The following ARB2A variants were observed in gnomAD, a reference collection of about 807,000 sequenced individuals.
ARB2A encodes ARB2 cotranscriptional regulator A, also known as cotranscriptional regulator ARB2A.
chr5:93,885,976 A>C, the ARB2A span, among the ~76,000 whole-genome samples: 1 of 151,780 alleles, frequency 6.6e-6, no homozygotes, highest in Non-Finnish European at 1.5e-5. Flanking sequence ...GGTGATGACA[A>C]ACACAAAGAA....
chr5:93,776,343 G>T, the ARB2A span: 1 of 804,712 alleles, frequency 1.2e-6, no homozygotes. Flanking sequence ...CCACTAGAGT[G>T]TATTCAATTT....
At chr5:94,098,604 A>G in the ARB2A span, among the ~76,000 whole-genome samples, 1 of 152,176 alleles carries the variant, frequency 6.6e-6, no homozygotes, top group Non-Finnish European at 1.5e-5. Flanking sequence ...TCAACCCCAA[A>G]GCTAGAAGAC....
At chr5:93,856,358 A>G in the ARB2A span, among the ~76,000 whole-genome samples, 2 of 152,164 alleles carry the variant, frequency 1.3e-5, no homozygotes, top group Non-Finnish European at 2.9e-5. Context: ...GTTCTCCTGG[A>G]TAATATCCTG....
chr5:93,965,692 C>T, the ARB2A span, among the ~76,000 whole-genome samples: 12 of 152,002 alleles, frequency 7.9e-5, no homozygotes, highest in South Asian at 1.9e-3. Flanking sequence ...ATGCAAAATA[C>T]CTCAGAGAAT....
the ARB2A span, among the ~76,000 whole-genome samples, chr5:93,816,922 T>C: frequency 5.9e-5 from 9 of 152,186 alleles, no homozygotes; most frequent in African/African-American, 2.2e-4. Context: ...GCCACCTTTA[T>C]TCAACCTTGT....
At chr5:93,688,265 C>T in the ARB2A span, among the ~76,000 whole-genome samples, 2 of 152,220 alleles carry the variant, frequency 1.3e-5, no homozygotes, top group Non-Finnish European at 2.9e-5. Flanking sequence ...TAAGCCACCG[C>T]GCCTGGCCAT....
At chr5:93,863,271 T>C in the ARB2A span, 1 of 151,960 alleles carries the variant, frequency 6.6e-6, no homozygotes, top group Non-Finnish European at 1.5e-5. Flanking sequence ...GTCATTTCAG[T>C]GCCTTTTTTT....
the ARB2A span, among the ~76,000 whole-genome samples, chr5:94,092,179 AAAAAAAAAT>A: frequency 6.6e-6 from 1 of 151,822 alleles, no homozygotes; most frequent in Non-Finnish European, 1.5e-5. Flanking sequence ...TTCCAAAAAA[AAAAAAAAAT>A]ACAAAAAATT....
chr5:93,647,402 T>C, the ARB2A span, among the ~76,000 whole-genome samples: 1 of 152,046 alleles, frequency 6.6e-6, no homozygotes, highest in South Asian at 2.1e-4. Flanking sequence ...AATTTTTGTA[T>C]TTTTTAGTAG....
chr5:93,971,505 T>A, the ARB2A span, among the ~76,000 whole-genome samples: 1 of 151,186 alleles, frequency 6.6e-6, no homozygotes, highest in South Asian at 2.1e-4. Context: ...AGGCAGAAGT[T>A]GCAGTGAGCT....
the ARB2A span, among the ~76,000 whole-genome samples, chr5:93,794,162 G>A: frequency 6.6e-6 from 1 of 152,046 alleles, no homozygotes; most frequent in Non-Finnish European, 1.5e-5. Flanking sequence ...TAATTCGAAA[G>A]CCTTGTCTTC....
At chr5:93,749,363 T>A in the ARB2A span, among the ~76,000 whole-genome samples, 2 of 152,196 alleles carry the variant, frequency 1.3e-5, no homozygotes, top group African/African-American at 4.8e-5. Flanking sequence ...GCAAAGTTTG[T>A]TCTTAATGCA....
the ARB2A span, among the ~76,000 whole-genome samples, chr5:93,754,471 T>C: frequency 3.3e-5 from 5 of 152,210 alleles, no homozygotes; most frequent in Admixed American, 6.5e-5. Flanking sequence ...GGGAGCACAT[T>C]TGGAGGGGGC....
the ARB2A span, among the ~76,000 whole-genome samples, chr5:93,882,617 T>C: frequency 6.6e-6 from 1 of 151,230 alleles, no homozygotes; most frequent in African/African-American, 2.4e-5. Flanking sequence ...CATGAGAAAA[T>C]ATAGAGAGGG....
the ARB2A span, among the ~76,000 whole-genome samples, chr5:93,803,773 AC>A: frequency 1.3e-5 from 2 of 151,754 alleles, no homozygotes; most frequent in African/African-American, 4.8e-5. Context: ...TTTAGACTTA[AC>A]CCAAAATATT....
At chr5:93,840,450 C>A in the ARB2A span, among the ~76,000 whole-genome samples, 1 of 152,142 alleles carries the variant, frequency 6.6e-6, no homozygotes, top group Non-Finnish European at 1.5e-5. Flanking sequence ...GGATTCCCAA[C>A]ACCACAATGT....
chr5:93,740,686 T>A, the ARB2A span: 1 of 1,613,832 alleles, frequency 6.2e-7, no homozygotes, highest in East Asian at 2.2e-5. Flanking sequence ...CAGTCCCAGG[T>A]GAAAGCACAC....
chr5:93,658,474 GATTTC>G, the ARB2A span, among the ~76,000 whole-genome samples: 122 of 152,078 alleles, frequency 8.0e-4, 2 homozygotes, highest in Middle Eastern at 6.8e-3. Flanking sequence ...GAATCTGTGT[GATTTC>G]ATTTCATTTC....
chr5:93,897,493 C>T, the ARB2A span, among the ~76,000 whole-genome samples: 126 of 151,798 alleles, frequency 8.3e-4, no homozygotes, highest in Non-Finnish European at 1.5e-3. Context: ...TTGATGCTCC[C>T]AATAAATTAG....
Sources: allele counts gnomAD v4.1 joint callset (sites outside exome capture counted in the v4.1 genomes callset), GRCh38; gene constraint gnomAD v4.1.1; transcripts MANE v1.5; gene names NCBI Gene and HGNC (gene_info 2026-07-23, HGNC 2026-07-21).